Variants in EYS observed in about 807,000 individuals in gnomAD.
EYS encodes the protein protein eyes shut homolog.
In EYS, 250 loss-of-function variants were observed where a neutral mutation model predicts 282.1. The ratio of observed to expected loss-of-function variants is 0.89; its 90% CI spans 0.80 to 0.98. The LOEUF is 0.98. Among genes scored for constraint, EYS ranks in the 50% least tolerant of loss-of-function variants. EYS has a pLI of 0.00. For synonymous variants in EYS, 1,355 were observed against 1,282.9 expected (o/e 1.06, Z -1.20); for missense variants, 4,016 against 3,709.0 (o/e 1.08, Z -2.15).
At chr6:65,333,991 TAC>T (rs1237551855) in intron 11 of EYS, among the ~76,000 whole-genome samples, 1 of 149,506 alleles carries the variant, frequency 6.7e-6, no homozygotes, top group Non-Finnish European at 1.5e-5. Flanking sequence ...TATATATATA[TAC>T]ACACACGTAT....
intron 18 of EYS, among the ~76,000 whole-genome samples, chr6:64,900,023 C>T (rs981986541): frequency 5.9e-5 from 9 of 151,958 alleles, no homozygotes; most frequent in African/African-American, 1.2e-4. Context: ...GTGCTGGTAC[C>T]GAAACAGATA....
chr6:65,574,084 T>G lies in EYS; in HGVS notation c.-333+65694A>C, dbSNP rs150741194. Among the ~76,000 whole-genome samples, 44 of 152,282 alleles carry G rather than the reference T, an allele frequency of 2.9e-4. No homozygotes were observed. In the East Asian group the frequency reaches 8.5e-3, roughly 30 times the overall value. On this transcript the variant is annotated intron_variant, in intron 2 of 42. Coordinates refer to ENST00000503581, the MANE Select transcript of EYS (RefSeq NM_001142800.2). ...GTCCCTGCGCCCTAGGCACTAGTGC[T>G]ATTACTGCCCCAGTTCCCAAAACTG...
At chr6:65,430,228 T>C (rs559997167) in intron 5 of EYS, among the ~76,000 whole-genome samples, 2 of 152,150 alleles carry the variant, frequency 1.3e-5, no homozygotes, top group Non-Finnish European at 2.9e-5. Flanking sequence ...ATAGTATCCT[T>C]TTTTAACTTC....
At chr6:64,669,956 A>G (rs534153123) in intron 22 of EYS, among the ~76,000 whole-genome samples, 93 of 152,326 alleles carry the variant, frequency 6.1e-4, no homozygotes, top group African/African-American at 2.1e-3. Context: ...AGAGCAATTA[A>G]CATAGAGAAC....
At position 65,390,807 on chromosome 6, in the gene EYS, C is replaced by T. The variant is rs149765661; in HGVS notation, c.1185-6307G>A. On this transcript the variant is annotated intron_variant, in intron 7 of 42. Transcript: ENST00000503581. ...GCTGAGATGAGAGGATTGCTTGAGC[C>T]CAGGAGGTTGAGACTGACATGAGCT... 3.3e-3 allele frequency among the ~76,000 whole-genome samples: 508 copies of T among 151,862 alleles called. 4 individuals are homozygous for T. The highest frequency in any genetic ancestry group is 0.011 in the African/African-American group (458 of 41,390).
intron 9 of EYS, among the ~76,000 whole-genome samples, chr6:65,348,560 A>T (rs1461091026): frequency 2.6e-5 from 4 of 151,630 alleles, no homozygotes; most frequent in African/African-American, 4.8e-5. Context: ...CCATTTCTAA[A>T]AATCATATTA....
chr6:63,889,967 C>T (rs143341691), intron 35 of EYS, among the ~76,000 whole-genome samples: 3 of 152,086 alleles, frequency 2.0e-5, no homozygotes, highest in African/African-American at 7.2e-5. Context: ...GGTTACAATC[C>T]TAGTCTCTGA....
At chr6:64,063,861 C>T (rs1335259938) in intron 33 of EYS, among the ~76,000 whole-genome samples, 1 of 152,106 alleles carries the variant, frequency 6.6e-6, no homozygotes, top group Non-Finnish European at 1.5e-5. Context: ...TCCTGAGTAG[C>T]TGGGATTACA....
intron 15 of EYS, among the ~76,000 whole-genome samples, chr6:64,925,116 C>A (rs1446712529): frequency 6.6e-6 from 1 of 152,080 alleles, no homozygotes; most frequent in African/African-American, 2.4e-5. Flanking sequence ...CATGGCTGGG[C>A]AGGCCTAAGA....
At chr6:63,904,859 A>G (rs1773737619) in intron 35 of EYS, among the ~76,000 whole-genome samples, 2 of 152,262 alleles carry the variant, frequency 1.3e-5, no homozygotes, top group African/African-American at 4.8e-5. Flanking sequence ...GTCAAACCAG[A>G]CAAATTAGAA....
intron 5 of EYS, among the ~76,000 whole-genome samples, chr6:65,479,840 C>T (rs1765542257): frequency 6.6e-6 from 1 of 151,894 alleles, no homozygotes; most frequent in African/African-American, 2.4e-5. Context: ...AAAACTTTTG[C>T]TCATCAAAGT....
At chr6:65,481,768 C>T (rs1765614783) in intron 5 of EYS, among the ~76,000 whole-genome samples, 2 of 151,964 alleles carry the variant, frequency 1.3e-5, no homozygotes, top group Non-Finnish European at 2.9e-5. Flanking sequence ...GATGGGATTT[C>T]ACTGTGTTAG....
chr6:65,020,356 A>G (rs2150138090), intron 13 of EYS, among the ~76,000 whole-genome samples: 1 of 152,318 alleles, frequency 6.6e-6, no homozygotes, highest in East Asian at 1.9e-4. Context: ...AAAAGGGAGA[A>G]ATTAACCAAA....
intron 13 of EYS, among the ~76,000 whole-genome samples, chr6:65,019,363 T>A (rs770472470): frequency 2.0e-5 from 3 of 152,174 alleles, no homozygotes; most frequent in African/African-American, 4.8e-5. Context: ...ATCTATTTTA[T>A]AAAAATTCAG....
At chr6:65,179,576 C>G (rs767835985) in intron 12 of EYS, among the ~76,000 whole-genome samples, 1 of 151,510 alleles carries the variant, frequency 6.6e-6, no homozygotes, top group African/African-American at 2.4e-5. Flanking sequence ...AGCTTAGCAA[C>G]CAAAAAAAGT....
intron 31 of EYS, among the ~76,000 whole-genome samples, chr6:64,229,628 C>T (rs1766359930): frequency 6.6e-6 from 1 of 152,096 alleles, no homozygotes; most frequent in Non-Finnish European, 1.5e-5. Context: ...GTGCCTTTTA[C>T]TATATTTGCT....
chr6:63,859,616 A>G lies in EYS; in HGVS notation c.7228+4570T>C, dbSNP rs557674088. 2.6e-5 allele frequency among the ~76,000 whole-genome samples: 4 copies of G among 151,888 alleles called. No individual in the cohort carries two copies. In the East Asian group the frequency reaches 7.7e-4, roughly 29 times the overall value. ...GCTGGGCTTTATACATTAAGAGAAC[A>G]TTCTAATAAATGCTACTGCCACCAG... On this transcript the variant is annotated intron_variant, in intron 36 of 42. Coordinates refer to ENST00000503581, the MANE Select transcript of EYS (RefSeq NM_001142800.2).
At chr6:64,919,411 C>A (rs1012911147) in intron 15 of EYS, among the ~76,000 whole-genome samples, 35 of 86,556 alleles carry the variant, frequency 4.0e-4, no homozygotes, top group Non-Finnish European at 6.7e-4. Context: ...TTATGTTTTT[C>A]TTTTTTTCTT....
chr6:65,471,626 C>A (rs924538473), intron 5 of EYS, among the ~76,000 whole-genome samples: 9 of 152,150 alleles, frequency 5.9e-5, no homozygotes, highest in African/African-American at 2.2e-4. Context: ...ATCTCATTAC[C>A]TCTGTAGCCA....
Sources: gnomAD v4.1 joint callset for allele counts (sites outside exome capture counted in the v4.1 genomes callset) on GRCh38, gnomAD v4.1.1 for gene constraint, MANE v1.5 for transcripts, NCBI Gene and HGNC (gene_info 2026-07-23, HGNC 2026-07-21) for gene names.